Variants in PPP1R8 observed in about 807,000 individuals in gnomAD.
The protein encoded by PPP1R8 is protein phosphatase 1 regulatory subunit 8.
Under a neutral mutation model 31.3 loss-of-function variants are expected in PPP1R8, and 4 were observed. The observed-to-expected ratio is 0.13, with a 90% CI of 0.06 to 0.29. PPP1R8 has a LOEUF of 0.29. Ranked by LOEUF, PPP1R8 falls within the 10% of genes least tolerant of loss-of-function variation. The pLI, the probability that PPP1R8 is intolerant of heterozygous loss-of-function variation, is 1.00. For synonymous variants in PPP1R8, 170 were observed against 169.7 expected, an observed-to-expected ratio of 1.00 and a Z score of -0.01; for missense variants, 254 against 440.1, an observed-to-expected ratio of 0.58 and a Z score of 3.78.
chr1:27,846,104 C>T (rs1055743580), intron 5 of PPP1R8, among the ~76,000 whole-genome samples: 2 of 152,058 alleles, frequency 1.3e-5, no homozygotes, highest in Non-Finnish European at 2.9e-5. Flanking sequence ...GTGTTTCTTT[C>T]AATAACAAGC....
rs1386832513 is a variant in PPP1R8, at chr1:27,830,819, G to A, written c.-17G>A. On this transcript the variant is annotated 5_prime_UTR_variant, in exon 1 of 7. Transcript: ENST00000311772. ...CGGCGTGCTTAGGGCGCGCCAAATG[G>A]GAGGGGGAGACGCAAGATGGCGGCA... 4 of 1,571,782 alleles carry A rather than the reference G, an allele frequency of 2.5e-6. No individual in the cohort carries two copies. The highest frequency in any genetic ancestry group is 3.4e-6 in the Non-Finnish European group (4 of 1,159,584).
intron 2 of PPP1R8, chr1:27,834,641 TTCAC>T: frequency 2.2e-6 from 1 of 462,266 alleles, no homozygotes; most frequent in South Asian, 1.6e-5. Flanking sequence ...CATTATTTCA[TTCAC>T]TTGGACAGAA....
Position 27,830,857 on chromosome 1 carries a change from G to A in PPP1R8, c.22G>A (p.Gly8Ser), listed in dbSNP as rs555143299. The A allele has an allele frequency of 1.3e-5, 21 of 1,576,248 alleles. No individual in the cohort carries two copies. The South Asian group carries it at 1.9e-4, about 14-fold the overall frequency. The change falls in exon 1 of 7, where the codon GGC becomes AGC. Residue 8 changes from glycine to serine, a missense_variant. Gly to Ser is a moderately conservative substitution (Grantham distance 56). This residue lies in a region of PPP1R8 where 38 missense variants were observed against 18.6 expected (regional missense o/e 2.04). Coordinates refer to ENST00000311772, the MANE Select transcript of PPP1R8 (RefSeq NM_014110.5). ...CAAGATGGCGGCAGCCGCGAACTCC[G>A]GCTCTAGCCTCCCGCTGTTCGACTG... MAAAANS[G>S]SSLPLFDCPT...
intron 3 of PPP1R8, among the ~76,000 whole-genome samples, chr1:27,840,592 T>C (rs1480514092): frequency 6.6e-6 from 1 of 152,204 alleles, no homozygotes; most frequent in East Asian, 1.9e-4. Context: ...GATGTCCAGC[T>C]CCTGCTTTGG....
In PPP1R8 at chr1:27,850,456, TCA is replaced by T; in HGVS notation, c.*11_*12del. The T allele has an allele frequency of 1.2e-6, 1 of 842,660 alleles. No homozygotes were observed. The highest frequency in any genetic ancestry group is 1.8e-6 in the Non-Finnish European group (1 of 549,552). The allele number at this position is 842,660 out of a possible 1,614,324, so 52.2% of individuals were successfully genotyped here. A position where few individuals can be genotyped will look rare whatever the true frequency, so the allele number is the denominator to read the frequency against. On this transcript the variant is annotated 3_prime_UTR_variant, in exon 7 of 7. Coordinates refer to ENST00000311772, the MANE Select transcript of PPP1R8 (RefSeq NM_014110.5). ...TTCCTTGCTGATTTGATATTTTTGGTCATGGAGAAGGGTGGGATTGGGTGGGA... is the reference window on the plus strand; with the variant it reads ...TTCCTTGCTGATTTGATATTTTTGGTTGGAGAAGGGTGGGATTGGGTGGGA...
intron 4 of PPP1R8, among the ~76,000 whole-genome samples, chr1:27,842,901 AT>A (rs1282766085): frequency 5.9e-5 from 9 of 152,178 alleles, no homozygotes; most frequent in African/African-American, 2.2e-4. Context: ...ACTCAAGGAT[AT>A]TTGCACAGAT....
chr1:27,842,463 T>G (rs2089232752), intron 4 of PPP1R8, among the ~76,000 whole-genome samples: 1 of 152,200 alleles, frequency 6.6e-6, no homozygotes, highest in South Asian at 2.1e-4. Context: ...TTATCCAGGC[T>G]GCTGCTATAC....
At chr1:27,840,329 C>G (rs1000922867) in intron 3 of PPP1R8, among the ~76,000 whole-genome samples, 2 of 152,222 alleles carry the variant, frequency 1.3e-5, no homozygotes, top group East Asian at 3.8e-4. Context: ...TCACCCTAAT[C>G]TGCTTATATA....
intron 2 of PPP1R8, among the ~76,000 whole-genome samples, chr1:27,836,970 G>A (rs2089173076): frequency 6.6e-6 from 1 of 152,156 alleles, no homozygotes; most frequent in Non-Finnish European, 1.5e-5. Flanking sequence ...ATATACATTT[G>A]AATGTTTATT....
intron 2 of PPP1R8, among the ~76,000 whole-genome samples, chr1:27,835,027 AT>A (rs776339084): frequency 9.2e-5 from 14 of 152,134 alleles, no homozygotes; most frequent in Non-Finnish European, 1.6e-4. Context: ...CAAAAAAAAA[AT>A]TCATTCATTT....
At chr1:27,834,267 C>T in intron 2 of PPP1R8, 1 of 356,210 alleles carries the variant, frequency 2.8e-6, no homozygotes, top group South Asian at 2.1e-5. Flanking sequence ...TGTCTATTAG[C>T]TGATAACGTT....
At position 27,843,181 on chromosome 1, in the gene PPP1R8, C is replaced by T. The variant is rs757768300; in HGVS notation, c.493-5C>T. On this transcript the variant is annotated splice_polypyrimidine_tract_variant and splice_region_variant and intron_variant, in intron 4 of 6. Coordinates refer to ENST00000311772, the MANE Select transcript of PPP1R8 (RefSeq NM_014110.5). The stretch of plus-strand genomic sequence containing the variant: ...GCTGTCTTTCCTGTATGAACCCTGG[C>T]TTAGAACCTGACAGAGTTCAACACT... The T allele has an allele frequency of 6.2e-7, 1 of 1,614,002 alleles. No individual in the cohort carries two copies. Among genetic ancestry groups the T allele is most frequent in the Non-Finnish European group, 8.5e-7 (1 of 1,179,988 alleles).
At chr1:27,841,308 C>A in intron 4 of PPP1R8, 74 bp downstream of exon 4, 1 of 1,488,106 alleles carries the variant, frequency 6.7e-7, no homozygotes, top group Non-Finnish European at 9.2e-7. Context: ...TTCTATGTAG[C>A]TGGAAATGCC....
chr1:27,849,495 T>A (rs563375728), intron 6 of PPP1R8, among the ~76,000 whole-genome samples: 18 of 152,302 alleles, frequency 1.2e-4, no homozygotes, highest in Admixed American at 5.2e-4. Context: ...GGGATTTTTT[T>A]AAAAATGTTT....
Position 27,850,189 on chromosome 1 carries a change from C to T in PPP1R8, c.799C>T (p.Leu267=). 6.2e-7 allele frequency: 1 copy of T among 1,614,184 alleles called. No individual in the cohort carries two copies. Among genetic ancestry groups the T allele is most frequent in the Non-Finnish European group, 8.5e-7 (1 of 1,180,024 alleles). ...CTTCAGCGGAGGACTCTACGGGGGC[C>T]TGCCCCCCACACACAGTGAAGCAGG... ...FAFSGGLYGG[L]PPTHSEAGSQ... Residue 267 remains leucine, a synonymous_variant, in exon 7 of 7, where the codon CTG becomes TTG. Transcript: ENST00000311772.
intron 5 of PPP1R8, among the ~76,000 whole-genome samples, chr1:27,844,672 C>G (rs1399484116): frequency 4.1e-5 from 6 of 145,196 alleles, no homozygotes; most frequent in African/African-American, 1.5e-4. Flanking sequence ...CAACAGCCAG[C>G]AATTTGGGAA....
At chr1:27,838,953 G>C (rs1160578481) in intron 3 of PPP1R8, 101 bp downstream of exon 3, 2 of 1,225,566 alleles carry the variant, frequency 1.6e-6, no homozygotes, top group Non-Finnish European at 2.2e-6. Flanking sequence ...AAAAGTTAAT[G>C]TTTGGTTTTT....
At chr1:27,845,783 CTTTTTTTTTTT>C (rs773994854) in intron 5 of PPP1R8, among the ~76,000 whole-genome samples, 7 of 91,816 alleles carry the variant, frequency 7.6e-5, no homozygotes, top group East Asian at 7.8e-4. Flanking sequence ...TTCTTTCTTT[CTTTTTTTTTTT>C]TTTTTTTTTT....
At chr1:27,831,928 C>G (rs1418204275) in intron 1 of PPP1R8, among the ~76,000 whole-genome samples, 3 of 152,150 alleles carry the variant, frequency 2.0e-5, no homozygotes. Context: ...AAAAAGCAAG[C>G]AAATGTGTGG....
Sources: allele counts gnomAD v4.1 joint callset (sites outside exome capture counted in the v4.1 genomes callset), GRCh38; gene constraint gnomAD v4.1.1; regional missense constraint gnomAD v4.1.1; transcripts MANE v1.5; gene names NCBI Gene and HGNC (gene_info 2026-07-23, HGNC 2026-07-21).